Variants in ZFPM2 observed in about 807,000 individuals in gnomAD.
The protein encoded by ZFPM2 is zinc finger protein ZFPM2.
ZFPM2 carries 20 observed loss-of-function variants against 98.6 expected under a neutral mutation model. That is an observed-to-expected ratio of 0.20 (90% CI 0.14 to 0.29). The LOEUF is 0.29. ZFPM2 is among the 10% of genes least tolerant of loss of function. The pLI is 1.00. For synonymous variants in ZFPM2, 518 were observed against 502.7 expected (o/e 1.03, Z -0.41); for missense variants, 1,310 against 1,388.6 (o/e 0.94, Z 0.90).
chr8:105,337,656 C>A (rs1812353134), intron 1 of ZFPM2, among the ~76,000 whole-genome samples: 1 of 151,388 alleles, frequency 6.6e-6, no homozygotes, highest in Non-Finnish European at 1.5e-5. Context: ...TATTAGTGAC[C>A]TTAACTATCG....
intron 3 of ZFPM2, among the ~76,000 whole-genome samples, chr8:105,500,071 C>G (rs978303017): frequency 6.6e-6 from 1 of 152,154 alleles, no homozygotes. Flanking sequence ...TTGTCTAAAA[C>G]TCTTCTATTC....
At chr8:105,746,392 T>C (rs1184229957) in intron 5 of ZFPM2, among the ~76,000 whole-genome samples, 4 of 152,114 alleles carry the variant, frequency 2.6e-5, no homozygotes, top group Non-Finnish European at 4.4e-5. Flanking sequence ...ATGATAACTG[T>C]CTAAATTTGA....
At chr8:105,717,217 G>C (rs1338016301) in intron 5 of ZFPM2, among the ~76,000 whole-genome samples, 1 of 151,974 alleles carries the variant, frequency 6.6e-6, no homozygotes, top group East Asian at 1.9e-4. Context: ...CACTGGGTCA[G>C]AGAAAAGCAA....
intron 1 of ZFPM2, among the ~76,000 whole-genome samples, chr8:105,351,172 CAA>C (rs201784746): frequency 1.0e-4 from 10 of 95,546 alleles, no homozygotes; most frequent in Non-Finnish European, 1.2e-4. Flanking sequence ...GACTCTGTCT[CAA>C]AAAAAAAAAA....
intron 1 of ZFPM2, among the ~76,000 whole-genome samples, chr8:105,342,185 T>C (rs1485171305): frequency 6.6e-6 from 1 of 152,018 alleles, no homozygotes; most frequent in Non-Finnish European, 1.5e-5. Context: ...AAGAAACCTG[T>C]TTCATATTTA....
chr8:105,697,420 G>A lies in ZFPM2; in HGVS notation c.532+63063G>A, dbSNP rs147855024. Among the ~76,000 whole-genome samples the A allele has an allele frequency of 5.7e-3, 874 of 152,252 alleles. 10 individuals are homozygous for A. Among genetic ancestry groups the A allele is most frequent in the African/African-American group, 0.019 (777 of 41,552 alleles). On this transcript the variant is annotated intron_variant, in intron 5 of 7. Transcript: ENST00000407775. The stretch of plus-strand genomic sequence containing the variant: ...GCAGATTTACAGATAGGTAATCCAT[G>A]TAAGGTATTTTAAAGACAGCTTATT...
chr8:105,596,239 A>C (rs1401704643), intron 4 of ZFPM2, among the ~76,000 whole-genome samples: 1 of 152,076 alleles, frequency 6.6e-6, no homozygotes, highest in Non-Finnish European at 1.5e-5. Context: ...AGGAATAAAA[A>C]TCAATGAAGA....
At chr8:105,428,610 T>C (rs1251641130) in intron 2 of ZFPM2, among the ~76,000 whole-genome samples, 1 of 152,170 alleles carries the variant, frequency 6.6e-6, no homozygotes, top group Non-Finnish European at 1.5e-5. Context: ...GCAGGAATGT[T>C]TACAAATCCA....
intron 3 of ZFPM2, among the ~76,000 whole-genome samples, chr8:105,499,892 G>C (rs886589579): frequency 6.6e-6 from 1 of 152,080 alleles, no homozygotes; most frequent in Non-Finnish European, 1.5e-5. Flanking sequence ...TAGAGTCAAG[G>C]CTTCTTCAGA....
chr8:105,526,177 C>T (rs1419547949), intron 3 of ZFPM2, among the ~76,000 whole-genome samples: 1 of 151,892 alleles, frequency 6.6e-6, no homozygotes, highest in Non-Finnish European at 1.5e-5. Flanking sequence ...AATTTTTTTC[C>T]CCCTTTCTCT....
At chr8:105,676,477 G>A (rs1327273097) in intron 5 of ZFPM2, among the ~76,000 whole-genome samples, 1 of 151,872 alleles carries the variant, frequency 6.6e-6, no homozygotes, top group East Asian at 1.9e-4. Context: ...AGAGAAATTC[G>A]AGTTCTGAAT....
At chr8:105,351,227 G>A (rs970631512) in intron 1 of ZFPM2, among the ~76,000 whole-genome samples, 41 of 151,072 alleles carry the variant, frequency 2.7e-4, no homozygotes, top group Non-Finnish European at 4.4e-5. Context: ...TATAATTTAT[G>A]CAATCCTCCT....
intron 3 of ZFPM2, among the ~76,000 whole-genome samples, chr8:105,462,445 A>G (rs988775184): frequency 1.3e-5 from 2 of 152,158 alleles, no homozygotes; most frequent in Non-Finnish European, 1.5e-5. Context: ...GGAGAGACTA[A>G]GGTTACAAGT....
At chr8:105,354,597 A>C (rs1477776164) in intron 1 of ZFPM2, among the ~76,000 whole-genome samples, 1 of 152,196 alleles carries the variant, frequency 6.6e-6, no homozygotes, top group East Asian at 1.9e-4. Flanking sequence ...AAGAGGATAA[A>C]ACAGATAACT....
rs568971969 is a variant in ZFPM2, at chr8:105,751,900, C to T, written c.533-36818C>T. ...ATGGTTTGCCTTAATGATCAGTGCTCATAGGTTTCAGAATTATGCAAAAGA... is the reference window on the plus strand; with the variant it reads ...ATGGTTTGCCTTAATGATCAGTGCTTATAGGTTTCAGAATTATGCAAAAGA... On this transcript the variant is annotated intron_variant, in intron 5 of 7. Coordinates refer to ENST00000407775, the MANE Select transcript of ZFPM2 (RefSeq NM_012082.4). Among the ~76,000 whole-genome samples, 8 of 152,016 alleles carry T rather than the reference C, an allele frequency of 5.3e-5. No individual in the cohort carries two copies. In the East Asian group the frequency reaches 5.8e-4, roughly 11 times the overall value.
intron 5 of ZFPM2, chr8:105,676,171 T>C (rs1586190928): frequency 6.6e-6 from 1 of 152,214 alleles, no homozygotes; most frequent in East Asian, 1.9e-4. Flanking sequence ...CTTATGGTCC[T>C]TTGTTCAACA....
intron 5 of ZFPM2, among the ~76,000 whole-genome samples, chr8:105,745,116 A>AT (rs1344773039): frequency 2.0e-5 from 3 of 152,154 alleles, no homozygotes; most frequent in African/African-American, 7.2e-5. Context: ...ATGTGTCTTT[A>AT]TACCGGATAA....
At chr8:105,683,768 C>G (rs552850475) in intron 5 of ZFPM2, among the ~76,000 whole-genome samples, 1 of 152,168 alleles carries the variant, frequency 6.6e-6, no homozygotes, top group East Asian at 1.9e-4. Context: ...ATTAGAAACT[C>G]TTTCTCTGAC....
At chr8:105,798,580 C>A in intron 6 of ZFPM2, 144 bp from the exon 7 acceptor site, 1 of 655,896 alleles carries the variant, frequency 1.5e-6, no homozygotes, top group Non-Finnish European at 2.6e-6. Flanking sequence ...TGCTGTAGAA[C>A]AACACCAAAG....
Sources: gnomAD v4.1 joint callset for allele counts (sites outside exome capture counted in the v4.1 genomes callset) on GRCh38, gnomAD v4.1.1 for gene constraint, MANE v1.5 for transcripts, NCBI Gene and HGNC (gene_info 2026-07-23, HGNC 2026-07-21) for gene names.